INTS13: variants seen among roughly 807,000 people sequenced by gnomAD.
INTS13 encodes the protein asunder, spermatogenesis regulator homolog (Drosphila).
A neutral mutation model predicts 90.2 loss-of-function variants in INTS13; 35 were observed. The ratio of observed to expected loss-of-function variants is 0.39; its 90% confidence interval spans 0.30 to 0.51. The LOEUF (loss-of-function observed/expected upper bound fraction) is 0.51. INTS13 is among the 20% of genes least tolerant of loss of function. The pLI is 0.80. For synonymous variants in INTS13, 309 were observed against 277.1 expected (o/e 1.11, Z -1.14); for missense variants, 601 against 851.2 (o/e 0.71, Z 3.66).
rs1399864138 is a variant in INTS13 at position 26,917,691 on chromosome 12, T to C, written c.932A>G (p.Lys311Arg). The change falls in exon 9 of 17, where the codon AAA becomes AGA. Residue 311 changes from lysine (K) to arginine (R), a missense_variant. Lys to Arg is a conservative substitution (Grantham distance 26). This residue lies in a region of INTS13 where 284 missense variants were observed against 387.7 expected (regional missense o/e 0.73). Transcript: ENST00000261191. ...ACACCACTTTAATGTTATTGTTTCT[T>C]TAAACGAGCCTTCTCGACTGCCGCC... Reference protein sequence around the residue: ...LGGGSREGSFKETITLKWCTP... With the variant: ...LGGGSREGSFRETITLKWCTP... 6.2e-7 allele frequency: 1 copy of C among 1,614,158 alleles called. No individual in the cohort carries two copies. The highest frequency in any genetic ancestry group is 1.7e-5 in the Admixed American group (1 of 60,024).
intron 3 of INTS13, among the ~76,000 whole-genome samples, chr12:26,933,807 G>A (rs560854889): frequency 6.9e-4 from 105 of 152,130 alleles, no homozygotes; most frequent in African/African-American, 2.3e-3. Flanking sequence ...CAGTTTTGTA[G>A]AAGCATGAGA....
chr12:26,932,835 G>C (rs926875319), intron 3 of INTS13, among the ~76,000 whole-genome samples: 3 of 152,168 alleles, frequency 2.0e-5, no homozygotes, highest in African/African-American at 7.2e-5. Flanking sequence ...CAAACAATCA[G>C]CTAAAACTAC....
chr12:26,914,315 TAAGA>T lies in INTS13; in HGVS notation c.1419+89_1419+92del, dbSNP rs1951871562. The T allele has an allele frequency of 1.1e-5, 15 of 1,333,926 alleles. No homozygotes were observed. In the South Asian group the frequency reaches 2.2e-4, roughly 19 times the overall value. The allele number at this position is 1,333,926 out of a possible 1,614,324, so 82.6% of individuals were successfully genotyped here. On this transcript the variant is annotated intron_variant, in intron 12 of 16. Transcript: ENST00000261191. ...AAGCTCATATATTTCATTCTTTGCT[TAAGA>T]AATGGTATAAATTACAAATTGTCTA... is the stretch of plus-strand genomic sequence containing the variant.
intron 16 of INTS13, 123 bp from the exon 17 acceptor site, chr12:26,905,659 G>A: frequency 1.0e-6 from 1 of 964,668 alleles, no homozygotes; most frequent in East Asian, 2.7e-5. Context: ...AGCATTTTAG[G>A]AAAGGACTAA....
chr12:26,932,016 G>A (rs1233693541), intron 3 of INTS13, among the ~76,000 whole-genome samples: 2 of 151,598 alleles, frequency 1.3e-5, no homozygotes, highest in African/African-American at 2.4e-5. Context: ...GAACCTGGGA[G>A]GTGGAGGTTG....
chr12:26,905,850 C>T (rs1453980790), intron 16 of INTS13, among the ~76,000 whole-genome samples: 1 of 152,118 alleles, frequency 6.6e-6, no homozygotes, highest in Non-Finnish European at 1.5e-5. Flanking sequence ...ACAATTTCAT[C>T]AAGAATTTAT....
At chr12:26,915,446 A>G (rs1430490889) in intron 11 of INTS13, among the ~76,000 whole-genome samples, 2 of 152,226 alleles carry the variant, frequency 1.3e-5, no homozygotes, top group African/African-American at 2.4e-5. Flanking sequence ...CTTACAGTAT[A>G]TAACAGTTTG....
chr12:26,936,434 A>G (rs1938462678), intron 2 of INTS13, 145 bp downstream of exon 2: 1 of 613,660 alleles, frequency 1.6e-6, no homozygotes, highest in Non-Finnish European at 2.8e-6. Flanking sequence ...TATCCATTAT[A>G]TATTAATCCC....
chr12:26,929,451 C>T (rs1312269321), intron 3 of INTS13, among the ~76,000 whole-genome samples: 4 of 151,804 alleles, frequency 2.6e-5, no homozygotes, highest in Non-Finnish European at 5.9e-5. Context: ...CCAAGCCCAG[C>T]GGCTCATGCC....
At position 26,936,566 on chromosome 12, in the gene INTS13, A is replaced by T. The variant is rs1477574388; in HGVS notation, c.225+13T>A. The T allele has an allele frequency of 6.4e-7, 1 of 1,570,872 alleles. No homozygotes were observed. The highest frequency in any genetic ancestry group is 8.8e-7 in the Non-Finnish European group (1 of 1,141,500). On this transcript the variant is annotated intron_variant, in intron 2 of 16. Transcript: ENST00000261191. ...TCCCCAAAATCATGATTTTGTTTGT[A>T]CTTCACACTCACCAGCTTTTTGAAA...
chr12:26,922,716 C>T lies in INTS13; in HGVS notation c.805-16G>A. 6.6e-7 allele frequency: 1 copy of T among 1,511,196 alleles called. No individual in the cohort carries two copies. The highest frequency in any genetic ancestry group is 8.9e-7 in the Non-Finnish European group (1 of 1,126,718). The allele number at this position is 1,511,196 out of a possible 1,614,324, so 93.6% of individuals were successfully genotyped here. On this transcript the variant is annotated splice_polypyrimidine_tract_variant and intron_variant, in intron 7 of 16. Transcript: ENST00000261191. Reference sequence around the variant, plus strand: ...GCTGTTCTTCCTTGAAGTAAAATTTCAAACATTTTAAAAAACTTGGTTTTG... The same window carrying T: ...GCTGTTCTTCCTTGAAGTAAAATTTTAAACATTTTAAAAAACTTGGTTTTG...
At chr12:26,905,874 A>C (rs1951592431) in intron 16 of INTS13, among the ~76,000 whole-genome samples, 1 of 152,212 alleles carries the variant, frequency 6.6e-6, no homozygotes, top group Non-Finnish European at 1.5e-5. Context: ...CTTCCCCACT[A>C]AATAAATGTA....
In INTS13 at chr12:26,928,210, T is replaced by G. The variant is rs144127493; in HGVS notation, c.579A>C (p.Ser193=). 9.4e-6 allele frequency: 15 copies of G among 1,603,330 alleles called. No individual in the cohort carries two copies. The highest frequency in any genetic ancestry group is 2.7e-5 in the African/African-American group (2 of 74,784). ...CATTTATGAATTATACTCACTGATC[T>G]GAATTTGCAGCAAGCTTGTTATGTT... The part of the protein sequence containing the change: ...IHEHNKLAAN[S]DHLMQIQKCE... The change falls in exon 5 of 17, where the codon TCA becomes TCC. Residue 193 remains serine (S), a synonymous_variant. Transcript: ENST00000261191.
At chr12:26,932,989 A>C (rs1358649153) in intron 3 of INTS13, among the ~76,000 whole-genome samples, 1 of 152,258 alleles carries the variant, frequency 6.6e-6, no homozygotes, top group Non-Finnish European at 1.5e-5. Flanking sequence ...AAGAACTGTG[A>C]GAACACAGAA....
At chr12:26,913,951 G>C in intron 13 of INTS13, 23 bp downstream of exon 13, 1 of 1,586,142 alleles carries the variant, frequency 6.3e-7, no homozygotes, top group Non-Finnish European at 8.5e-7. Context: ...GATCTATAAA[G>C]TAAGAAAGAA....
At chr12:26,929,169 T>C in intron 3 of INTS13, 1 of 302,608 alleles carries the variant, frequency 3.3e-6, no homozygotes, top group African/African-American at 2.2e-5. Flanking sequence ...AAAAATCACA[T>C]GATCATCTCA....
At chr12:26,912,671 C>T (rs1236826755) in intron 14 of INTS13, among the ~76,000 whole-genome samples, 4 of 152,018 alleles carry the variant, frequency 2.6e-5, no homozygotes, top group African/African-American at 9.6e-5. Flanking sequence ...TTCTTCTGTG[C>T]TTCCAAGGAC....
intron 2 of INTS13, 132 bp from the exon 3 acceptor site, chr12:26,934,762 G>T: frequency 1.3e-6 from 1 of 756,616 alleles, no homozygotes. Context: ...GTTACAGAAT[G>T]TGTAGTATAT....
chr12:26,936,217 A>G (rs1398280852), intron 2 of INTS13, among the ~76,000 whole-genome samples: 1 of 152,236 alleles, frequency 6.6e-6, no homozygotes, highest in East Asian at 1.9e-4. Flanking sequence ...ATGCCAGCAC[A>G]GTTTGACAGC....
Sources: gnomAD v4.1 joint callset for allele counts (sites outside exome capture counted in the v4.1 genomes callset) on GRCh38, gnomAD v4.1.1 for gene constraint, gnomAD v4.1.1 regional missense constraint, MANE v1.5 for transcripts, NCBI Gene and HGNC (gene_info 2026-07-23, HGNC 2026-07-21) for gene names.